RABGAP1L: variants seen among roughly 807,000 people sequenced by gnomAD.
RABGAP1L encodes the protein RAB GTPase activating protein 1 like.
RABGAP1L carries 63 observed loss-of-function variants against 137.7 expected under a neutral mutation model. The ratio of observed to expected loss-of-function variants is 0.46; its 90% CI spans 0.37 to 0.56. The LOEUF is 0.56. Ranked by LOEUF, RABGAP1L falls within the 20% of genes least tolerant of loss-of-function variation. The pLI is 0.00. For missense variants in RABGAP1L, 1,095 were observed against 1,244.0 expected (o/e 0.88, Z 1.80); for synonymous variants, 431 against 433.7 (o/e 0.99, Z 0.08).
At chr1:174,336,386 A>AT (rs1392458170) in intron 11 of RABGAP1L, among the ~76,000 whole-genome samples, 1 of 152,210 alleles carries the variant, frequency 6.6e-6, no homozygotes, top group Non-Finnish European at 1.5e-5. Flanking sequence ...TGGCTTTCCA[A>AT]TGTGCTGGGA....
At chr1:174,160,967 C>T (rs1258478958) in intron 1 of RABGAP1L, among the ~76,000 whole-genome samples, 1 of 152,114 alleles carries the variant, frequency 6.6e-6, no homozygotes, top group African/African-American at 2.4e-5. Flanking sequence ...AGTAGAGCGT[C>T]CCTTATGAAA....
chr1:174,967,155 TTTTC>T (rs1397636416), intron 20 of RABGAP1L, among the ~76,000 whole-genome samples: 3 of 151,434 alleles, frequency 2.0e-5, no homozygotes, highest in Middle Eastern at 6.8e-3. Flanking sequence ...TGTTATTATA[TTTTC>T]TTTCTTTCTT....
At chr1:174,420,788 T>C (rs940777445) in intron 13 of RABGAP1L, among the ~76,000 whole-genome samples, 7 of 151,626 alleles carry the variant, frequency 4.6e-5, no homozygotes, top group South Asian at 2.1e-4. Context: ...CATTCTCCTG[T>C]CTCAGCCTCC....
rs1468705430 is a variant in RABGAP1L at position 174,371,059 on chromosome 1, T to C, written c.1546T>C (p.Leu516=). 1 of 1,491,836 alleles carries C rather than the reference T, an allele frequency of 6.7e-7. No homozygotes were observed. Among genetic ancestry groups the C allele is most frequent in the South Asian group, 1.5e-5 (1 of 67,960 alleles). The allele number at this position is 1,491,836 out of a possible 1,614,324, so 92.4% of individuals were successfully genotyped here. A position where few individuals can be genotyped will look rare whatever the true frequency, so the allele number is the denominator to read the frequency against. ...GAAGATCCTGTATTCTTGGGGAGAG[T>C]TGCTAGGAAAATGGTAAAATTTTAT... is the stretch of plus-strand genomic sequence containing the variant. ...PEKILYSWGE[L]LGKWHSNLGA... The change falls in exon 12 of 26, where the codon TTG becomes CTG. Residue 516 remains leucine, a synonymous_variant. Transcript: ENST00000681986.
At chr1:174,224,937 CT>C (rs879383669) in intron 3 of RABGAP1L, among the ~76,000 whole-genome samples, 48 of 148,116 alleles carry the variant, frequency 3.2e-4, no homozygotes, top group Non-Finnish European at 4.5e-4. Flanking sequence ...TTGAGTTTAT[CT>C]TTTTTTTTTG....
At chr1:174,605,706 T>G (rs1041344866) in intron 13 of RABGAP1L, among the ~76,000 whole-genome samples, 3 of 152,210 alleles carry the variant, frequency 2.0e-5, no homozygotes, top group African/African-American at 4.8e-5. Context: ...GAGATGTCTG[T>G]GGTGTTGGCT....
chr1:174,934,054 T>C (rs1161062932), intron 19 of RABGAP1L, among the ~76,000 whole-genome samples: 1 of 152,186 alleles, frequency 6.6e-6, no homozygotes, highest in Non-Finnish European at 1.5e-5. Context: ...ATCAAAGAAA[T>C]AAAAGTTTTG....
intron 10 of RABGAP1L, among the ~76,000 whole-genome samples, chr1:174,297,907 C>G (rs1386516630): frequency 6.6e-6 from 1 of 152,174 alleles, no homozygotes; most frequent in East Asian, 1.9e-4. Flanking sequence ...TTTGGGTTCC[C>G]TTTCCCTGAG....
intron 24 of RABGAP1L, 27 bp from the exon 25 acceptor site, chr1:174,988,614 G>A: frequency 6.8e-7 from 1 of 1,466,190 alleles, no homozygotes; most frequent in South Asian, 1.4e-5. Flanking sequence ...ATAGTTTGAT[G>A]TTGGTTATCT....
rs1678427516 is a variant in RABGAP1L at position 174,685,957 on chromosome 1, A to G, written c.1899+2361A>G. Among the ~76,000 whole-genome samples, 4 of 152,308 alleles carry G rather than the reference A, an allele frequency of 2.6e-5. No homozygotes were observed. The South Asian group carries it at 8.3e-4, about 32-fold the overall frequency. On this transcript the variant is annotated intron_variant, in intron 15 of 25. Coordinates refer to ENST00000681986, the MANE Select transcript of RABGAP1L (RefSeq NM_001366446.1). ...AGCAGCCAGTTGCATACTGGAGATT[A>G]ATGCTGGAGGAGAAATGAAAGCTGA...
Position 174,241,662 on chromosome 1 carries a change from G to T in RABGAP1L, c.717+5G>T. ...TCCTGTGAAATTAAAGAGGCAGTAA[G>T]TATAATATAGTATAGCAATTTGCTA... On this transcript the variant is annotated splice_donor_5th_base_variant and intron_variant, in intron 5 of 25. Transcript: ENST00000681986. 1 of 1,594,998 alleles carries T rather than the reference G, an allele frequency of 6.3e-7. No homozygotes were observed. Among genetic ancestry groups the T allele is most frequent in the Non-Finnish European group, 8.6e-7 (1 of 1,168,624 alleles).
At chr1:174,321,949 T>A (rs1680032425) in intron 11 of RABGAP1L, among the ~76,000 whole-genome samples, 1 of 152,176 alleles carries the variant, frequency 6.6e-6, no homozygotes, top group African/African-American at 2.4e-5. Flanking sequence ...CTGTTACTTG[T>A]CTTACTGATT....
intron 13 of RABGAP1L, among the ~76,000 whole-genome samples, chr1:174,403,277 T>G (rs1648854485): frequency 6.6e-6 from 1 of 151,150 alleles, no homozygotes; most frequent in Non-Finnish European, 1.5e-5. Context: ...TTTCTTTTCT[T>G]CTCTCTTTTT....
chr1:174,316,791 A>G (rs1364966484), intron 11 of RABGAP1L, among the ~76,000 whole-genome samples: 1 of 152,080 alleles, frequency 6.6e-6, no homozygotes, highest in Non-Finnish European at 1.5e-5. Flanking sequence ...GCCATCCAGG[A>G]GTCAGGGACC....
intron 7 of RABGAP1L, among the ~76,000 whole-genome samples, chr1:174,268,919 TTTTTC>T (rs1177220052): frequency 4.0e-4 from 61 of 152,084 alleles, no homozygotes; most frequent in African/African-American, 1.3e-3. Context: ...CATCATGAGT[TTTTTC>T]TTTTCTTTTT....
chr1:174,800,209 C>T (rs1688627064), intron 18 of RABGAP1L: 1 of 1,401,270 alleles, frequency 7.1e-7, no homozygotes, highest in Admixed American at 3.2e-5. Flanking sequence ...GCTGACAATT[C>T]CCACCACAGA....
intron 13 of RABGAP1L, among the ~76,000 whole-genome samples, chr1:174,522,442 G>T (rs1337213435): frequency 1.6e-4 from 24 of 152,100 alleles, no homozygotes; most frequent in Non-Finnish European, 8.8e-5. Context: ...GGTGGCATGT[G>T]CCTGTAGTCC....
chr1:174,447,190 T>C (rs528235907), intron 13 of RABGAP1L, among the ~76,000 whole-genome samples: 73 of 152,346 alleles, frequency 4.8e-4, no homozygotes, highest in African/African-American at 1.7e-3. Flanking sequence ...GTAACTGTAA[T>C]GGATTAAAAC....
At chr1:174,926,440 A>G (rs925976324) in intron 19 of RABGAP1L, among the ~76,000 whole-genome samples, 3 of 152,158 alleles carry the variant, frequency 2.0e-5, no homozygotes, top group African/African-American at 7.2e-5. Flanking sequence ...TATGTTAACA[A>G]AAGTTTTTAG....
Sources: allele counts gnomAD v4.1 joint callset (sites outside exome capture counted in the v4.1 genomes callset), GRCh38; gene constraint gnomAD v4.1.1; transcripts MANE v1.5; gene names NCBI Gene and HGNC (gene_info 2026-07-23, HGNC 2026-07-21).